SNX29: variants seen among roughly 807,000 people sequenced by gnomAD.
SNX29 encodes sorting nexin 29, also known as sorting nexin-29.
Under a neutral mutation model 102.1 loss-of-function variants are expected in SNX29, and 78 were observed. The ratio of observed to expected loss-of-function variants is 0.76; its 90% CI spans 0.64 to 0.92. The LOEUF is 0.92. SNX29 is among the 40% of genes least tolerant of loss of function. The pLI is 0.00. For synonymous variants in SNX29, 580 were observed against 414.5 expected, an observed-to-expected ratio of 1.40 and a Z score of -4.85; for missense variants, 1,280 against 1,061.7, an observed-to-expected ratio of 1.21 and a Z score of -2.86.
intron 16 of SNX29, among the ~76,000 whole-genome samples, chr16:12,385,394 C>G (rs1050866611): frequency 6.6e-6 from 1 of 152,150 alleles, no homozygotes; most frequent in African/African-American, 2.4e-5. Context: ...TGATTGTCAT[C>G]CTCAAAGAGT....
At chr16:12,405,459 C>T (rs2084122413) in intron 18 of SNX29, among the ~76,000 whole-genome samples, 1 of 152,208 alleles carries the variant, frequency 6.6e-6, no homozygotes, top group Non-Finnish European at 1.5e-5. Flanking sequence ...TCAGGCCTGG[C>T]CGCTCTGCAT....
At chr16:12,202,452 C>T (rs1018825840) in intron 14 of SNX29, among the ~76,000 whole-genome samples, 8 of 152,108 alleles carry the variant, frequency 5.3e-5, no homozygotes, top group African/African-American at 1.2e-4. Context: ...CTTTTATTTG[C>T]GCTTTTGAAT....
At chr16:12,328,291 C>T (rs1053418719) in intron 15 of SNX29, among the ~76,000 whole-genome samples, 3 of 152,216 alleles carry the variant, frequency 2.0e-5, no homozygotes, top group African/African-American at 7.2e-5. Flanking sequence ...GTTGATATCT[C>T]TTGGCCTTTC....
rs562783159 is a variant in SNX29, at chr16:12,058,730, G to A, written c.1125-2798G>A. ...GCTGGTCTTGAACTCCTGACCTCAG[G>A]TGATCTACCCGCCACGGCCTCCCAA... On this transcript the variant is annotated intron_variant, in intron 8 of 20. Coordinates refer to ENST00000566228, the MANE Select transcript of SNX29 (RefSeq NM_032167.5). 4.0e-5 allele frequency among the ~76,000 whole-genome samples: 6 copies of A among 150,662 alleles called. No homozygotes were observed. The East Asian group carries it at 1.2e-3, about 29-fold the overall frequency.
chr16:12,244,665 T>A (rs2078210134), intron 14 of SNX29, among the ~76,000 whole-genome samples: 1 of 152,160 alleles, frequency 6.6e-6, no homozygotes, highest in Non-Finnish European at 1.5e-5. Context: ...CTTGTGTGCT[T>A]CCTGGAAGCA....
chr16:12,065,215 G>A (rs1480512175), intron 9 of SNX29, among the ~76,000 whole-genome samples: 1 of 152,198 alleles, frequency 6.6e-6, no homozygotes, highest in East Asian at 1.9e-4. Flanking sequence ...TGCAAGAGGA[G>A]ACCCCAGACA....
intron 16 of SNX29, among the ~76,000 whole-genome samples, chr16:12,386,015 G>A (rs2083328614): frequency 6.6e-6 from 1 of 152,230 alleles, no homozygotes; most frequent in Admixed American, 6.5e-5. Flanking sequence ...CTTGTCCCCA[G>A]GCAGGGGCGG....
Position 12,568,825 on chromosome 16 carries a change from A to C in SNX29, c.*196A>C. The C allele has an allele frequency of 1.2e-6, 1 of 852,460 alleles. No homozygotes were observed. Among genetic ancestry groups the C allele is most frequent in the Non-Finnish European group, 1.8e-6 (1 of 571,332 alleles). 52.8% of individuals were successfully genotyped at this position (852,460 alleles called of 1,614,324 possible). ...GCCGCATGATACCGTGACCCGAGAGACCAAGGCAGCACCTCGCTGGAGAGA... is the reference window on the plus strand; with the variant it reads ...GCCGCATGATACCGTGACCCGAGAGCCCAAGGCAGCACCTCGCTGGAGAGA... On this transcript the variant is annotated 3_prime_UTR_variant, in exon 21 of 21. Transcript: ENST00000566228.
chr16:12,009,919 C>T (rs564518726), intron 3 of SNX29, among the ~76,000 whole-genome samples: 4 of 152,300 alleles, frequency 2.6e-5, no homozygotes, highest in Admixed American at 6.5e-5. Flanking sequence ...AATCAGAGGA[C>T]GTGATCTGGA....
intron 18 of SNX29, among the ~76,000 whole-genome samples, chr16:12,429,183 C>T (rs1456763539): frequency 6.6e-6 from 1 of 152,176 alleles, no homozygotes; most frequent in East Asian, 1.9e-4. Flanking sequence ...GTTAGTCCCA[C>T]CACACAGATA....
chr16:12,291,607 C>A, intron 15 of SNX29, among the ~76,000 whole-genome samples: 1 of 152,206 alleles, frequency 6.6e-6, no homozygotes, highest in East Asian at 1.9e-4. Flanking sequence ...GGTTCACATT[C>A]ATAGGAAACA....
intron 14 of SNX29, among the ~76,000 whole-genome samples, chr16:12,225,961 C>G (rs1233970922): frequency 2.6e-5 from 4 of 152,156 alleles, no homozygotes; most frequent in Non-Finnish European, 4.4e-5. Flanking sequence ...GTGTTTTACA[C>G]TGGGAAACTA....
At chr16:12,454,558 G>C (rs1055326812) in intron 18 of SNX29, among the ~76,000 whole-genome samples, 1 of 152,144 alleles carries the variant, frequency 6.6e-6, no homozygotes. Context: ...GGCGAATGTG[G>C]CTTGCTGCTC....
chr16:12,105,497 C>T (rs1028849137), intron 11 of SNX29, among the ~76,000 whole-genome samples: 46 of 152,058 alleles, frequency 3.0e-4, no homozygotes, highest in African/African-American at 1.1e-3. Flanking sequence ...GCTGGGATTA[C>T]AGGCGTGAGC....
intron 18 of SNX29, among the ~76,000 whole-genome samples, chr16:12,426,988 C>G (rs987075290): frequency 1.3e-5 from 2 of 152,282 alleles, no homozygotes; most frequent in South Asian, 2.1e-4. Context: ...TCTAATATGT[C>G]AGCTTGGAAA....
At chr16:12,564,713 C>CT in intron 20 of SNX29, among the ~76,000 whole-genome samples, 1 of 152,048 alleles carries the variant, frequency 6.6e-6, no homozygotes, top group Non-Finnish European at 1.5e-5. Flanking sequence ...TGCAAGCCCA[C>CT]TTTGTTATAA....
At chr16:12,527,356 A>C (rs1337995847) in intron 20 of SNX29, 1 of 506,340 alleles carries the variant, frequency 2.0e-6, no homozygotes, top group Non-Finnish European at 3.8e-6. Context: ...TTTCTGGTTA[A>C]AAAAAAATAA....
intron 14 of SNX29, among the ~76,000 whole-genome samples, chr16:12,232,830 T>A (rs1180813615): frequency 6.6e-6 from 1 of 152,166 alleles, no homozygotes; most frequent in Non-Finnish European, 1.5e-5. Flanking sequence ...TCCTTCAAAG[T>A]ATCCTATGGA....
chr16:12,494,506 G>T (rs2088714129), intron 19 of SNX29, among the ~76,000 whole-genome samples: 1 of 152,114 alleles, frequency 6.6e-6, no homozygotes, highest in Non-Finnish European at 1.5e-5. Context: ...TGCATCCAGA[G>T]TAAACCCACT....
Sources: allele counts gnomAD v4.1 joint callset (sites outside exome capture counted in the v4.1 genomes callset), GRCh38; gene constraint gnomAD v4.1.1; transcripts MANE v1.5; gene names NCBI Gene and HGNC (gene_info 2026-07-23, HGNC 2026-07-21).